PSD3: variants seen among roughly 807,000 people sequenced by gnomAD.
PSD3 encodes the protein pleckstrin and Sec7 domain containing 3.
A neutral mutation model predicts 105.5 loss-of-function variants in PSD3; 49 were observed. That is an observed-to-expected ratio of 0.46 (90% CI 0.37 to 0.59). The LOEUF is 0.59. Among genes scored for constraint, PSD3 ranks in the 20% least tolerant of loss-of-function variants. The pLI is 0.00. For synonymous variants in PSD3, 557 were observed against 457.8 expected (o/e 1.22, Z -2.77); for missense variants, 1,561 against 1,263.8 (o/e 1.24, Z -3.57).
At chr8:18,874,371 T>A (rs1445661135) in intron 2 of PSD3, among the ~76,000 whole-genome samples, 5 of 151,992 alleles carry the variant, frequency 3.3e-5, no homozygotes, top group Non-Finnish European at 7.4e-5. Context: ...TTCATCATGT[T>A]GGCCAGGATG....
intron 2 of PSD3, among the ~76,000 whole-genome samples, chr8:18,901,735 A>C (rs1046023023): frequency 3.3e-5 from 5 of 151,930 alleles, no homozygotes; most frequent in Non-Finnish European, 7.4e-5. Context: ...GAATTCTCTC[A>C]GTTTTTGTTT....
chr8:18,767,376 C>T (rs1807091431), intron 8 of PSD3, among the ~76,000 whole-genome samples: 2 of 152,132 alleles, frequency 1.3e-5, no homozygotes, highest in Admixed American at 1.3e-4. Context: ...AGGAGAGGAA[C>T]GCAGAGCACA....
intron 8 of PSD3, among the ~76,000 whole-genome samples, chr8:18,785,773 T>C (rs534223567): frequency 6.6e-6 from 1 of 152,288 alleles, no homozygotes; most frequent in Non-Finnish European, 1.5e-5. Context: ...TTAGAGGCCA[T>C]TCTAAGGCTA....
intron 1 of PSD3, among the ~76,000 whole-genome samples, chr8:19,036,934 C>T (rs989760680): frequency 4.6e-5 from 7 of 152,130 alleles, no homozygotes; most frequent in African/African-American, 1.7e-4. Context: ...TCCTGTGTAT[C>T]CATGTTGCAA....
intron 10 of PSD3, among the ~76,000 whole-genome samples, chr8:18,652,612 C>T (rs941570408): frequency 2.0e-5 from 3 of 151,258 alleles, no homozygotes; most frequent in Non-Finnish European, 4.4e-5. Flanking sequence ...ATTCTCCCGC[C>T]TCAGCCTCCT....
At chr8:18,672,132 G>C (rs1229018385) in intron 9 of PSD3, among the ~76,000 whole-genome samples, 1 of 152,146 alleles carries the variant, frequency 6.6e-6, no homozygotes, top group Non-Finnish European at 1.5e-5. Flanking sequence ...TTGGAAAGTA[G>C]CAAGCATGTA....
intron 1 of PSD3, among the ~76,000 whole-genome samples, chr8:18,948,803 A>G (rs530318436): frequency 8.5e-5 from 13 of 152,246 alleles, no homozygotes; most frequent in Admixed American, 7.8e-4. Flanking sequence ...TAAAAAACAT[A>G]ATTTGTCACT....
At chr8:18,973,800 T>C (rs2129472199) in intron 1 of PSD3, among the ~76,000 whole-genome samples, 1 of 152,354 alleles carries the variant, frequency 6.6e-6, no homozygotes, top group South Asian at 2.1e-4. Context: ...TCTTTCATTC[T>C]GCTGTTATTA....
rs1215947681 is a variant in PSD3 at position 18,594,272 on chromosome 8, ATATAT to A, written c.2481+6087_2481+6091del. Among the ~76,000 whole-genome samples, 9 of 15,304 alleles carry A rather than the reference ATATAT, an allele frequency of 5.9e-4. 3 individuals carry two copies. The highest frequency in any genetic ancestry group is 2.4e-3 in the South Asian group (1 of 416). The allele number at this position is 15,304 out of a possible 152,430, so 10.0% of individuals were successfully genotyped here. A position where few individuals can be genotyped will look rare whatever the true frequency, so the allele number is the denominator to read the frequency against. On this transcript the variant is annotated intron_variant, in intron 12 of 15. Coordinates refer to ENST00000327040, the MANE Select transcript of PSD3 (RefSeq NM_015310.4). ...TATATTATATAATATATATTATTAT[ATATAT>A]TATATAATATATATTATATATAATA... is the stretch of plus-strand genomic sequence containing the variant.
chr8:18,571,750 A>C (rs1802153917), intron 14 of PSD3, among the ~76,000 whole-genome samples: 1 of 152,206 alleles, frequency 6.6e-6, no homozygotes. Context: ...GGAGCTAGTT[A>C]ATACCAACAC....
intron 4 of PSD3, among the ~76,000 whole-genome samples, chr8:18,829,600 C>T (rs1043894367): frequency 2.0e-5 from 3 of 152,142 alleles, no homozygotes; most frequent in African/African-American, 7.2e-5. Flanking sequence ...TTATTGTTTC[C>T]TAAGCTTCAG....
In PSD3 at chr8:18,919,390, C is replaced by G. The variant is rs1223209158; in HGVS notation, c.130+16644G>C. Among the ~76,000 whole-genome samples, 9 of 152,038 alleles carry G rather than the reference C, an allele frequency of 5.9e-5. No homozygotes were observed. In the East Asian group the frequency reaches 1.5e-3, roughly 26 times the overall value. ...CACCACACAGTTATTGCCCCTGACC[C>G]GTGAGAACAGGATTGCTCAAGCAGC... is the stretch of plus-strand genomic sequence containing the variant. On this transcript the variant is annotated intron_variant, in intron 2 of 15. Coordinates refer to ENST00000327040, the MANE Select transcript of PSD3 (RefSeq NM_015310.4).
chr8:18,667,504 G>A (rs1799540177), intron 9 of PSD3, among the ~76,000 whole-genome samples: 1 of 152,192 alleles, frequency 6.6e-6, no homozygotes, highest in Non-Finnish European at 1.5e-5. Context: ...GCCCACTGGT[G>A]CCTCCACAAA....
chr8:18,902,949 A>G (rs1003964220), intron 2 of PSD3, among the ~76,000 whole-genome samples: 3 of 152,184 alleles, frequency 2.0e-5, no homozygotes, highest in African/African-American at 4.8e-5. Flanking sequence ...ATGGCCTACA[A>G]GTGGCTGTAA....
chr8:18,903,959 C>G (rs1028962379), intron 2 of PSD3, among the ~76,000 whole-genome samples: 3 of 150,246 alleles, frequency 2.0e-5, no homozygotes, highest in African/African-American at 7.3e-5. Flanking sequence ...TGTGGCTCTA[C>G]TTCTGCCTGG....
intron 11 of PSD3, among the ~76,000 whole-genome samples, chr8:18,625,479 C>T (rs1043405577): frequency 1.3e-5 from 2 of 152,086 alleles, no homozygotes; most frequent in East Asian, 1.9e-4. Flanking sequence ...ATGCCTACAT[C>T]CAGGCAATTC....
chr8:18,721,699 T>C (rs1043497497), intron 9 of PSD3, among the ~76,000 whole-genome samples: 4 of 152,182 alleles, frequency 2.6e-5, no homozygotes, highest in Non-Finnish European at 5.9e-5. Flanking sequence ...ATGTGTCCTA[T>C]TAACACAGGG....
intron 9 of PSD3, among the ~76,000 whole-genome samples, chr8:18,683,188 C>T (rs1335069683): frequency 2.0e-5 from 3 of 152,146 alleles, no homozygotes; most frequent in Non-Finnish European, 4.4e-5. Context: ...GGTTTCATGG[C>T]AGCATAGCAT....
At chr8:18,765,566 T>A (rs778133248) in intron 8 of PSD3, 28 bp from the exon 9 acceptor site, 1 of 1,475,256 alleles carries the variant, frequency 6.8e-7, no homozygotes, top group Non-Finnish European at 9.5e-7. Flanking sequence ...AGTACATCAC[T>A]ATGACATTCA....
Sources: allele counts gnomAD v4.1 joint callset (sites outside exome capture counted in the v4.1 genomes callset), GRCh38; gene constraint gnomAD v4.1.1; transcripts MANE v1.5; gene names NCBI Gene and HGNC (gene_info 2026-07-23, HGNC 2026-07-21).